The following MYO18B variants were observed in gnomAD, a reference collection of about 807,000 sequenced individuals.
MYO18B encodes the protein unconventional myosin-XVIIIb.
MYO18B carries 204 observed loss-of-function variants against 273.0 expected under a neutral mutation model. The observed-to-expected ratio is 0.75, with a 90% CI of 0.67 to 0.84. The LOEUF is 0.84. Ranked by LOEUF, MYO18B falls within the 40% of genes least tolerant of loss-of-function variation. The probability of loss-of-function intolerance (pLI) is 0.00; values close to 1 mark genes in which losing one functional copy is unlikely to be tolerated. For synonymous variants in MYO18B, 1,330 were observed against 1,305.7 expected, an observed-to-expected ratio of 1.02 and a Z score of -0.40; for missense variants, 3,212 against 3,287.6, an observed-to-expected ratio of 0.98 and a Z score of 0.56.
intron 25 of MYO18B, among the ~76,000 whole-genome samples, chr22:25,880,680 A>G (rs1194876420): frequency 6.6e-6 from 1 of 152,232 alleles, no homozygotes; most frequent in African/African-American, 2.4e-5. Flanking sequence ...GGAAGGAGGG[A>G]AAGTCCCTGT....
chr22:25,872,492 C>T (rs1046992271), intron 22 of MYO18B, among the ~76,000 whole-genome samples: 1 of 152,144 alleles, frequency 6.6e-6, no homozygotes, highest in African/African-American at 2.4e-5. Flanking sequence ...CAGTACATTC[C>T]TCATAGAGCT....
At chr22:26,032,937 A>G (rs566072279), downstream of MYO18B, among the ~76,000 whole-genome samples, 16 of 152,328 alleles carry the variant, frequency 1.1e-4, no homozygotes, top group Admixed American at 3.9e-4. Context: ...TGATTTAATT[A>G]TTATTATCAC....
At chr22:26,032,015 A>G (rs556462827), downstream of MYO18B, among the ~76,000 whole-genome samples, 5 of 152,230 alleles carry the variant, frequency 3.3e-5, no homozygotes, top group African/African-American at 1.2e-4. Flanking sequence ...GCTCGCCAAC[A>G]CTTAGGTGTG....
intron 32 of MYO18B, 101 bp from the exon 33 acceptor site, chr22:25,910,845 C>T (rs2092142878): frequency 3.3e-6 from 3 of 921,634 alleles, no homozygotes; most frequent in Admixed American, 2.1e-5. Context: ...AACAAAGCCA[C>T]AAGCTCTACA....
At chr22:25,921,702 TTGTG>T (rs3070571) in intron 34 of MYO18B, among the ~76,000 whole-genome samples, 4,276 of 145,562 alleles carry the variant, frequency 0.029, 128 homozygotes, top group African/African-American at 0.076. Context: ...AGTGTGCCTG[TTGTG>T]TGTGTGTGTG....
At chr22:25,926,743 C>A (rs2092427318) in intron 34 of MYO18B, among the ~76,000 whole-genome samples, 1 of 152,196 alleles carries the variant, frequency 6.6e-6, no homozygotes, top group Non-Finnish European at 1.5e-5. Context: ...ATGTCAAGGT[C>A]TCTGCCCTTA....
In MYO18B at chr22:25,903,830, A is replaced by G; in HGVS notation, c.5147A>G (p.Gln1716Arg). The G allele has an allele frequency of 3.1e-6, 5 of 1,594,400 alleles. No homozygotes were observed. The highest frequency in any genetic ancestry group is 4.3e-6 in the Non-Finnish European group (5 of 1,170,912). Residue 1716 changes from glutamine (Q) to arginine (R), a missense_variant and splice_region_variant, in exon 31 of 44, where the codon CAG becomes CGG. Gln to Arg is a conservative substitution (Grantham distance 43). Transcript: ENST00000335473. Reference sequence around the variant, plus strand: ...GAAAACACCATCAAGCAGCTGGAGCAGGTAGGAAAGCCCTGTCTCAGGGCA... The same window carrying G: ...GAAAACACCATCAAGCAGCTGGAGCGGGTAGGAAAGCCCTGTCTCAGGGCA... The part of the protein sequence containing the change: ...QQENTIKQLE[Q>R]LRQRFELEIE...
chr22:25,761,189 G>C, intron 2 of MYO18B, 58 bp downstream of exon 2: 1 of 1,593,864 alleles, frequency 6.3e-7, no homozygotes, highest in Middle Eastern at 1.7e-4. Flanking sequence ...TCGACCCTCG[G>C]GAGACAAGTC....
chr22:25,750,839 C>T (rs888896911), intron 1 of MYO18B, among the ~76,000 whole-genome samples: 4 of 152,156 alleles, frequency 2.6e-5, no homozygotes, highest in African/African-American at 9.7e-5. Flanking sequence ...GGTGTCCCCA[C>T]AGGCACGTGA....
chr22:25,927,897 T>C (rs1374244180), intron 34 of MYO18B, among the ~76,000 whole-genome samples: 1 of 152,124 alleles, frequency 6.6e-6, no homozygotes, highest in African/African-American at 2.4e-5. Context: ...TGGAGGACTA[T>C]TTGGATTAGC....
intron 39 of MYO18B, among the ~76,000 whole-genome samples, chr22:25,986,354 T>C (rs563855378): frequency 6.6e-6 from 1 of 152,352 alleles, no homozygotes; most frequent in Admixed American, 6.5e-5. Flanking sequence ...ATAATTCTTA[T>C]TCTTTACAGA....
In MYO18B at chr22:25,874,455, T is replaced by C. The variant is rs367975202; in HGVS notation, c.4080+41T>C. On this transcript the variant is annotated intron_variant, in intron 23 of 43. Coordinates refer to ENST00000335473, the MANE Select transcript of MYO18B (RefSeq NM_032608.7). ...CCCATGAGGAGTCTGATCCAACGGG[T>C]CTGGAGCGGGCATAGGGTCTGCCTG... 1.4e-4 allele frequency: 220 copies of C among 1,587,284 alleles called. 2 individuals are homozygous for C. Among genetic ancestry groups the C allele is most frequent in the Non-Finnish European group, 4.5e-5 (53 of 1,166,090 alleles).
intron 41 of MYO18B, among the ~76,000 whole-genome samples, chr22:26,003,663 CT>C (rs1262244304): frequency 2.0e-5 from 3 of 152,124 alleles, no homozygotes; most frequent in Non-Finnish European, 2.9e-5. Flanking sequence ...ATGCCCCGAC[CT>C]TTATGACCTC....
chr22:25,998,425 C>T (rs919839410), intron 40 of MYO18B, among the ~76,000 whole-genome samples: 6 of 152,066 alleles, frequency 3.9e-5, no homozygotes, highest in Admixed American at 1.3e-4. Context: ...GCTCTTGGGT[C>T]GGCTGAAAGT....
At chr22:25,872,635 C>G (rs1290451434) in intron 22 of MYO18B, among the ~76,000 whole-genome samples, 3 of 152,002 alleles carry the variant, frequency 2.0e-5, no homozygotes, top group Non-Finnish European at 4.4e-5. Flanking sequence ...GGTGTTGCCA[C>G]TTGCTTGTAA....
At chr22:25,832,837 C>T (rs1056706439) in intron 15 of MYO18B, 80 bp from the exon 16 acceptor site, 73 of 1,300,282 alleles carry the variant, frequency 5.6e-5, no homozygotes, top group Non-Finnish European at 7.6e-5. Context: ...GAAATCCTCT[C>T]CGCTTTTTCC....
rs373482936 is a variant in MYO18B, at chr22:25,768,399, C to T, written c.483C>T (p.Asp161=). ...GDVLLMVAKL[D]PDSAKPEKTH... ...TGTTGTTGATGGTGGCCAAGCTGGA[C>T]CCGGACTCAGCCAAGCCAGAGAAGA... Residue 161 remains aspartate (D), a synonymous_variant, in exon 4 of 44, where the codon GAC becomes GAT. Coordinates refer to ENST00000335473, the MANE Select transcript of MYO18B (RefSeq NM_032608.7). 1.2e-4 allele frequency: 190 copies of T among 1,613,740 alleles called. 1 individual carries two copies. Among genetic ancestry groups the T allele is most frequent in the Non-Finnish European group, 1.5e-4 (174 of 1,179,820 alleles).
At chr22:25,878,661 A>G (rs946293317) in intron 25 of MYO18B, among the ~76,000 whole-genome samples, 69 of 152,374 alleles carry the variant, frequency 4.5e-4, no homozygotes, top group African/African-American at 1.5e-3. Flanking sequence ...GCAATTAGGA[A>G]GTGCAAATTA....
At chr22:25,838,875 A>G (rs4822662) in intron 17 of MYO18B, among the ~76,000 whole-genome samples, 343 of 6,832 alleles carry the variant, frequency 0.05, 4 homozygotes, top group East Asian at 0.5. Context: ...ATGTTTGTGT[A>G]TATATATATA....
Sources: allele counts gnomAD v4.1 joint callset (sites outside exome capture counted in the v4.1 genomes callset), GRCh38; gene constraint gnomAD v4.1.1; transcripts MANE v1.5; gene names NCBI Gene and HGNC (gene_info 2026-07-23, HGNC 2026-07-21).